The following RAET1G variants were observed in gnomAD, a reference collection of about 807,000 sequenced individuals.
RAET1G encodes the protein UL-16 binding protein 5.
In RAET1G, 25 loss-of-function variants were observed where a neutral mutation model predicts 29.5. That is an observed-to-expected ratio of 0.85 (90% CI 0.62 to 1.18). The LOEUF is 1.18. RAET1G is among the 50% of genes most tolerant of loss of function. The pLI is 0.00. For synonymous variants in RAET1G, 167 were observed against 159.5 expected, an observed-to-expected ratio of 1.05 and a Z score of -0.36; for missense variants, 434 against 423.6, an observed-to-expected ratio of 1.02 and a Z score of -0.22.
At position 149,919,272 on chromosome 6, in the gene RAET1G, G is replaced by T. The variant is rs549005879; in HGVS notation, c.402C>A (p.His134Gln). 14 of 1,614,090 alleles carry T rather than the reference G, an allele frequency of 8.7e-6. No individual in the cohort carries two copies. The South Asian group carries it at 1.5e-4, about 18-fold the overall frequency. The stretch of plus-strand genomic sequence containing the variant: ...AACTGAGCTGCCAAGATCCACTGCC[G>T]TGTCCTTCGGCTTTCTGCTCACAAG... ...RMSCEQKAEG[H>Q]GSGSWQLSFD... Residue 134 changes from histidine to glutamine, a missense_variant, in exon 3 of 5, where the codon CAC becomes CAA. By Grantham distance (24) the His-to-Gln change is conservative (BLOSUM62 0). Coordinates refer to ENST00000367360, the MANE Select transcript of RAET1G (RefSeq NM_001001788.4).
At position 149,919,306 on chromosome 6, in the gene RAET1G, G is replaced by A. The variant is rs1464790585; in HGVS notation, c.368C>T (p.Ala123Val). Residue 123 changes from alanine (A) to valine (V), a missense_variant, in exon 3 of 5, where the codon GCC becomes GTC. By Grantham distance (64) the Ala-to-Val change is moderately conservative (BLOSUM62 0). Transcript: ENST00000367360. Reference sequence around the variant, plus strand: ...GGCTTTCTGCTCACAAGACATCCTGGCCTGCAGGGTGAGGGGTTCTGCCCC... The same window carrying A: ...GGCTTTCTGCTCACAAGACATCCTGACCTGCAGGGTGAGGGGTTCTGCCCC... Reference protein sequence around the residue: ...YIPKEPLTLQARMSCEQKAEG... With the variant: ...YIPKEPLTLQVRMSCEQKAEG... 6.2e-7 allele frequency: 1 copy of A among 1,613,812 alleles called. No homozygotes were observed. The highest frequency in any genetic ancestry group is 1.3e-5 in the African/African-American group (1 of 74,890).
At chr6:149,917,778 A>G (rs571023794) in intron 4 of RAET1G, among the ~76,000 whole-genome samples, 1 of 152,214 alleles carries the variant, frequency 6.6e-6, no homozygotes, top group East Asian at 1.9e-4. Flanking sequence ...TTCCCTTGTC[A>G]TACCTCATGT....
intron 1 of RAET1G, 126 bp downstream of exon 1, chr6:149,922,800 T>C (rs1245395322): frequency 3.2e-6 from 2 of 629,138 alleles, no homozygotes; most frequent in Non-Finnish European, 5.3e-6. Flanking sequence ...GGAGGGAAAC[T>C]GAGCGGGGGC....
At position 149,919,676 on chromosome 6, in the gene RAET1G, G is replaced by T; in HGVS notation, c.226C>A (p.Pro76Thr). 1 of 1,614,020 alleles carries T rather than the reference G, an allele frequency of 6.2e-7. No individual in the cohort carries two copies. Among genetic ancestry groups the T allele is most frequent in the Non-Finnish European group, 8.5e-7 (1 of 1,179,882 alleles). Residue 76 changes from proline to threonine, a missense_variant, in exon 2 of 5, where the codon CCC becomes ACC. Pro to Thr is a conservative substitution (Grantham distance 38, BLOSUM62 -1). Transcript: ENST00000367360. ...GTGACATTTAGTTTCTTCCCCAGGG[G>T]ACTGACGGGTGTGACTGTCTTGCTG... ...CGSKTVTPVS[P>T]LGKKLNVTTA...
At chr6:149,918,905 A>T in intron 3 of RAET1G, 138 bp downstream of exon 3, 16 of 1,421,094 alleles carry the variant, frequency 1.1e-5, no homozygotes, top group Non-Finnish European at 1.4e-5. Context: ...CAGCACCCCC[A>T]GGAGGAGCAC....
chr6:149,917,593 T>C (rs1242404766), intron 4 of RAET1G, among the ~76,000 whole-genome samples: 1 of 152,248 alleles, frequency 6.6e-6, no homozygotes, highest in Admixed American at 6.5e-5. Context: ...AGACTAATGA[T>C]TGATAATATT....
At chr6:149,919,454 G>A (rs531694115) in intron 2 of RAET1G, 99 bp downstream of exon 2, 90 of 1,611,220 alleles carry the variant, frequency 5.6e-5, no homozygotes, top group Non-Finnish European at 7.5e-5. Flanking sequence ...CTTGCGGGGT[G>A]AGATGACCTT....
chr6:149,920,268 C>T (rs1240790182), intron 1 of RAET1G, among the ~76,000 whole-genome samples: 2 of 152,192 alleles, frequency 1.3e-5, no homozygotes, highest in Non-Finnish European at 2.9e-5. Context: ...AGTTAATTAT[C>T]ATGGTCACAG....
chr6:149,919,083 G>T lies in RAET1G; in HGVS notation c.591C>A (p.Phe197Leu). The change falls in exon 3 of 5, where the codon TTC (phenylalanine) becomes TTA (leucine). Residue 197 changes from phenylalanine to leucine, a missense_variant. Transcript: ENST00000367360. ...MGDCTGWLED[F>L]LMGMDSTLEP... ...CCAGGGTGCTGTCCATGCCCATCAA[G>T]AAGTCCTCAAGCCATCCTGTGCAGT... 1.2e-6 allele frequency: 2 copies of T among 1,614,142 alleles called. No individual in the cohort carries two copies. The highest frequency in any genetic ancestry group is 1.7e-6 in the Non-Finnish European group (2 of 1,180,034).
In RAET1G at chr6:149,918,165, C is replaced by T. The variant is rs1481931137; in HGVS notation, c.842+9G>A. The T allele has an allele frequency of 5.0e-6, 8 of 1,613,132 alleles. No homozygotes were observed. The highest frequency in any genetic ancestry group is 1.3e-5 in the African/African-American group (1 of 75,034). On this transcript the variant is annotated intron_variant, in intron 4 of 4. Coordinates refer to ENST00000367360, the MANE Select transcript of RAET1G (RefSeq NM_001001788.4). ...GCCCTTTGCTCCACTCCCAATTCTG[C>T]CCCCATACCTGTCACTCCAAAGGAC...
At chr6:149,918,753 T>A in intron 3 of RAET1G, 1 of 602,812 alleles carries the variant, frequency 1.7e-6, no homozygotes, top group Non-Finnish European at 2.9e-6. Context: ...GAGGGAACAC[T>A]AAGGAGAAAG....
rs146830528 is a variant in RAET1G at position 149,922,497 on chromosome 6, C to T, written c.85+429G>A. Among the ~76,000 whole-genome samples the T allele has an allele frequency of 2.5e-3, 386 of 152,184 alleles. 1 individual carries two copies. The highest frequency in any genetic ancestry group is 4.2e-3 in the Non-Finnish European group (286 of 67,976). ...GCTGGAAGGTTTGTGTGGTTGAGAG[C>T]GGGTGAGAACAGAGCAGGCTGGTGG... On this transcript the variant is annotated intron_variant, in intron 1 of 4. Transcript: ENST00000367360.
chr6:149,916,885 GA>G lies in RAET1G; in HGVS notation c.*26del. ...AAAGACACAAGACAAAGAGACGGAAGAAAAGACAGCTGGGCCCAGGGAACCA... is the reference window on the plus strand; with the variant it reads ...AAAGACACAAGACAAAGAGACGGAAGAAAGACAGCTGGGCCCAGGGAACCA... On this transcript the variant is annotated 3_prime_UTR_variant, in exon 5 of 5. Coordinates refer to ENST00000367360, the MANE Select transcript of RAET1G (RefSeq NM_001001788.4). 1.4e-6 allele frequency: 2 copies of G among 1,476,552 alleles called. No individual in the cohort carries two copies. The highest frequency in any genetic ancestry group is 1.8e-6 in the Non-Finnish European group (2 of 1,111,324). The allele number at this position is 1,476,552 out of a possible 1,614,324, so 91.5% of individuals were successfully genotyped here. A position where few individuals can be genotyped will look rare whatever the true frequency, so the allele number is the denominator to read the frequency against.
chr6:149,918,093 T>C (rs1778490307), intron 4 of RAET1G, 81 bp downstream of exon 4: 2 of 1,237,922 alleles, frequency 1.6e-6, no homozygotes, highest in Admixed American at 3.9e-5. Context: ...CCATAGGGAG[T>C]GGGACTCTGG....
At chr6:149,919,017 A>T (rs1344866346) in intron 3 of RAET1G, 26 bp downstream of exon 3, 1 of 1,611,912 alleles carries the variant, frequency 6.2e-7, no homozygotes, top group Admixed American at 1.7e-5. Context: ...CTCATTGGAG[A>T]TCCCCATTTC....
At position 149,919,601 on chromosome 6, in the gene RAET1G, G is replaced by T. The variant is rs1156952182; in HGVS notation, c.301C>A (p.Leu101Ile). 10 of 1,613,916 alleles carry T rather than the reference G, an allele frequency of 6.2e-6. No homozygotes were observed. The highest frequency in any genetic ancestry group is 1.7e-5 in the Admixed American group (1 of 60,004). The change falls in exon 2 of 5, where the codon CTT becomes ATT. Residue 101 changes from leucine (L) to isoleucine (I), a missense_variant. Leu to Ile is a conservative substitution (Grantham distance 5). Coordinates refer to ENST00000367360, the MANE Select transcript of RAET1G (RefSeq NM_001001788.4). ...TGAATGTCAAGCAGTTGCTCTGTAA[G>T]TATGTCCACCACCTCTCTCAGTACT... ...NPVLREVVDI[L>I]TEQLLDIQLE...
rs1302069885 is a variant in RAET1G at position 149,919,225 on chromosome 6, A to T, written c.449T>A (p.Leu150His). Residue 150 changes from leucine to histidine, a missense_variant, in exon 3 of 5, where the codon CTC becomes CAC. Leu to His is a moderately conservative substitution (Grantham distance 99, BLOSUM62 -3). Coordinates refer to ENST00000367360, the MANE Select transcript of RAET1G (RefSeq NM_001001788.4). ...QLSFDGQIFL[L>H]FDSENRMWTT... ...CCACATTCTGTTTTCTGAGTCAAAG[A>T]GGAGGAAGATCTGTCCATCGAAACT... 1 of 1,614,172 alleles carries T rather than the reference A, an allele frequency of 6.2e-7. No individual in the cohort carries two copies. The highest frequency in any genetic ancestry group is 8.5e-7 in the Non-Finnish European group (1 of 1,180,016).
Position 149,917,092 on chromosome 6 carries a change from A to G in RAET1G, c.843-18T>C, listed in dbSNP as rs1219486785. 6.5e-7 allele frequency: 1 copy of G among 1,534,254 alleles called. No individual in the cohort carries two copies. The highest frequency in any genetic ancestry group is 2.5e-5 in the East Asian group (1 of 40,664). On this transcript the variant is annotated intron_variant, in intron 4 of 4. Transcript: ENST00000367360. ...TTTGGTAGCTGAGGCGGAGAGAGAGAGGACAGCTTACGTCATTGTTTCTTC... is the reference window on the plus strand; with the variant it reads ...TTTGGTAGCTGAGGCGGAGAGAGAGGGGACAGCTTACGTCATTGTTTCTTC...
intron 4 of RAET1G, 133 bp downstream of exon 4, chr6:149,918,041 G>T: frequency 1.3e-6 from 1 of 788,030 alleles, no homozygotes; most frequent in Non-Finnish European, 2.1e-6. Context: ...AGCAACACAA[G>T]GTCTCATTCA....
Sources: gnomAD v4.1 joint callset for allele counts (sites outside exome capture counted in the v4.1 genomes callset) on GRCh38, gnomAD v4.1.1 for gene constraint, MANE v1.5 for transcripts, NCBI Gene and HGNC (gene_info 2026-07-23, HGNC 2026-07-21) for gene names.